Variants in EPS8L3 observed in about 807,000 individuals in gnomAD.
EPS8L3 encodes EPS8 signaling adaptor L3, also known as epidermal growth factor receptor kinase substrate 8-like protein 3.
Under a neutral mutation model 88.5 loss-of-function variants are expected in EPS8L3, and 80 were observed. That is an observed-to-expected ratio of 0.90 (90% CI 0.75 to 1.09). The LOEUF is 1.09. EPS8L3 is among the 50% of genes least tolerant of loss of function. The pLI is 0.00. For synonymous variants in EPS8L3, 286 were observed against 291.0 expected (o/e 0.98, Z 0.18); for missense variants, 721 against 735.2 (o/e 0.98, Z 0.22).
Position 109,759,922 on chromosome 1 carries a change from G to A in EPS8L3, c.97-86C>T. The stretch of plus-strand genomic sequence containing the variant: ...TGCTGGGTAGAGAAAAGCAGAAGAG[G>A]AAGAAGACGTGTCCTCGGCCCCCTT... On this transcript the variant is annotated intron_variant, in intron 3 of 18. Coordinates refer to ENST00000361965, the MANE Select transcript of EPS8L3 (RefSeq NM_133181.4). The surrounding 1 kb of genome is among the most constrained non-coding windows in gnomAD (Gnocchi z 4.2). 1.4e-6 allele frequency: 2 copies of A among 1,438,272 alleles called. No individual in the cohort carries two copies. Among genetic ancestry groups the A allele is most frequent in the Non-Finnish European group, 1.9e-6 (2 of 1,055,996 alleles). The allele number at this position is 1,438,272 out of a possible 1,614,324, so 89.1% of individuals were successfully genotyped here. A position where few individuals can be genotyped will look rare whatever the true frequency, so the allele number is the denominator to read the frequency against.
At chr1:109,756,947 C>T in intron 12 of EPS8L3, 70 bp downstream of exon 12, 2 of 1,596,358 alleles carry the variant, frequency 1.3e-6, no homozygotes, top group Non-Finnish European at 1.7e-6. Context: ...AGCCTGGCCA[C>T]CTCTGATGTC....
chr1:109,752,634 C>T, intron 14 of EPS8L3, 52 bp downstream of exon 14: 2 of 1,499,262 alleles, frequency 1.3e-6, no homozygotes, highest in African/African-American at 1.4e-5. Flanking sequence ...AAGGAACAGC[C>T]CTGTCCCTCC....
intron 12 of EPS8L3, among the ~76,000 whole-genome samples, chr1:109,755,142 AATATTGTATGATT>A (rs1650164209): frequency 6.6e-6 from 1 of 152,226 alleles, no homozygotes; most frequent in Non-Finnish European, 1.5e-5. Flanking sequence ...CGACAGGACA[AATATTGTATGATT>A]TCACTTATAT....
intron 1 of EPS8L3, among the ~76,000 whole-genome samples, chr1:109,762,874 G>T (rs149183982): frequency 6.6e-6 from 1 of 152,228 alleles, no homozygotes; most frequent in Non-Finnish European, 1.5e-5. Context: ...TGGGCTGTGC[G>T]CAGTCACAGA....
At position 109,757,069 on chromosome 1, in the gene EPS8L3, G is replaced by C; in HGVS notation, c.1066C>G (p.Pro356Ala). Reference sequence around the variant, plus strand: ...CCCATCCAAAGGTTACTCTCAGGTGGGCTTAGACAGGACTGTAGCAGGTTG... The same window carrying C: ...CCCATCCAAAGGTTACTCTCAGGTGCGCTTAGACAGGACTGTAGCAGGTTG... ...AINLLQSCLS[P>A]PESNLWMGLG... The change falls in exon 12 of 19, where the codon CCA becomes GCA. Residue 356 changes from proline (P) to alanine (A), a missense_variant. Physicochemically the swap from Pro to Ala is conservative, Grantham distance 27. Transcript: ENST00000361965. The C allele has an allele frequency of 6.2e-7, 1 of 1,614,010 alleles. No homozygotes were observed. The highest frequency in any genetic ancestry group is 8.5e-7 in the Non-Finnish European group (1 of 1,179,998).
chr1:109,758,073 AC>A lies in EPS8L3; in HGVS notation c.718-16del. 6.2e-7 allele frequency: 1 copy of A among 1,609,812 alleles called. No individual in the cohort carries two copies. The highest frequency in any genetic ancestry group is 8.5e-7 in the Non-Finnish European group (1 of 1,177,312). Reference sequence around the variant, plus strand: ...TTCAGCACTTCCTGGGCCCCAAACAACCCATGGCCTTGAACGGGCAGTTGGG... The same window carrying A: ...TTCAGCACTTCCTGGGCCCCAAACAACCATGGCCTTGAACGGGCAGTTGGG... On this transcript the variant is annotated splice_polypyrimidine_tract_variant and intron_variant, in intron 8 of 18. Coordinates refer to ENST00000361965, the MANE Select transcript of EPS8L3 (RefSeq NM_133181.4).
At position 109,761,259 on chromosome 1, in the gene EPS8L3, C is replaced by T. The variant is rs544350735; in HGVS notation, c.96+236G>A. ...CCTGTCTGGGGACAGGACACTCACCCGCTCAACCTCCAGCCAGGCCTGCTC... is the reference window on the plus strand; with the variant it reads ...CCTGTCTGGGGACAGGACACTCACCTGCTCAACCTCCAGCCAGGCCTGCTC... On this transcript the variant is annotated intron_variant, in intron 3 of 18. Coordinates refer to ENST00000361965, the MANE Select transcript of EPS8L3 (RefSeq NM_133181.4). The T allele has an allele frequency of 3.5e-3, 1,722 of 498,276 alleles. 7 individuals are homozygous for T. The highest frequency in any genetic ancestry group is 5.2e-3 in the Non-Finnish European group (1,421 of 275,822). 30.9% of individuals were successfully genotyped at this position (498,276 alleles called of 1,614,324 possible).
At chr1:109,754,977 G>A (rs1473837456) in intron 12 of EPS8L3, among the ~76,000 whole-genome samples, 1 of 152,158 alleles carries the variant, frequency 6.6e-6, no homozygotes, top group Admixed American at 6.5e-5. Context: ...AGATTGTTAT[G>A]GGTGGAAACA....
In EPS8L3 at chr1:109,763,854, C is replaced by G. The variant is rs1651270444; in HGVS notation, c.-57G>C. 6.5e-6 allele frequency: 1 copy of G among 153,114 alleles called. No homozygotes were observed. Among genetic ancestry groups the G allele is most frequent in the South Asian group, 2.1e-4 (1 of 4,834 alleles). The allele number at this position is 153,114 out of a possible 1,614,324, so 9.5% of individuals were successfully genotyped here. ...CCAGTGAAGGCCGGGTGCCTGGTCC[C>G]CCCAGGAGGCTGGTCTTGGAGCAGG... is the stretch of plus-strand genomic sequence containing the variant. On this transcript the variant is annotated 5_prime_UTR_variant, in exon 1 of 19. Transcript: ENST00000361965.
chr1:109,757,076 A>T lies in EPS8L3; in HGVS notation c.1059T>A (p.Cys353Ter), dbSNP rs1650354030. ...TPKAINLLQSCLSPPESNLWM... is the reference protein window; with the variant it reads ...TPKAINLLQS ...AAAGGTTACTCTCAGGTGGGCTTAG[A>T]CAGGACTGTAGCAGGTTGATAGCTT... The change falls in exon 12 of 19, where the codon TGT becomes TGA. Residue 353 changes from cysteine (C) to a stop codon, truncating the protein, a stop_gained. Coordinates refer to ENST00000361965, the MANE Select transcript of EPS8L3 (RefSeq NM_133181.4). LOFTEE classifies it high-confidence loss of function. The T allele has an allele frequency of 1.9e-6, 3 of 1,614,146 alleles. No individual in the cohort carries two copies. The highest frequency in any genetic ancestry group is 2.5e-6 in the Non-Finnish European group (3 of 1,180,014).
chr1:109,755,345 G>C (rs1570685482), intron 12 of EPS8L3, among the ~76,000 whole-genome samples: 2 of 152,258 alleles, frequency 1.3e-5, no homozygotes, highest in East Asian at 3.9e-4. Flanking sequence ...CATTGTTAAT[G>C]AACGTATTGC....
intron 14 of EPS8L3, 125 bp downstream of exon 14, chr1:109,752,561 C>T (rs1649902243): frequency 1.2e-6 from 1 of 865,934 alleles, no homozygotes; most frequent in East Asian, 2.7e-5. Context: ...TGTCCTTGTA[C>T]ATGTTTTTCT....
At chr1:109,752,311 T>C in intron 14 of EPS8L3, 118 bp from the exon 15 acceptor site, 1 of 1,047,488 alleles carries the variant, frequency 9.5e-7, no homozygotes, top group Non-Finnish European at 1.4e-6. Flanking sequence ...CTTTTGGGTT[T>C]CTTTAGAGTT....
chr1:109,758,217 T>C, intron 8 of EPS8L3, 99 bp downstream of exon 8: 1 of 1,350,136 alleles, frequency 7.4e-7, no homozygotes, highest in East Asian at 2.3e-5. Flanking sequence ...GCCCTGGCCA[T>C]CCTGGGACCC....
rs1570698827 is a variant in EPS8L3 at position 109,759,182 on chromosome 1, T to G, written c.405+56A>C. 3.6e-6 allele frequency: 5 copies of G among 1,381,364 alleles called. No individual in the cohort carries two copies. The highest frequency in any genetic ancestry group is 5.0e-6 in the Non-Finnish European group (5 of 990,812). The allele number at this position is 1,381,364 out of a possible 1,614,324, so 85.6% of individuals were successfully genotyped here. A position where few individuals can be genotyped will look rare whatever the true frequency, so the allele number is the denominator to read the frequency against. On this transcript the variant is annotated intron_variant, in intron 5 of 18. Coordinates refer to ENST00000361965, the MANE Select transcript of EPS8L3 (RefSeq NM_133181.4). The surrounding 1 kb of genome is among the most constrained non-coding windows in gnomAD (Gnocchi z 4.2). ...GTGTGTGTGTGTGTGTGTGTGTGTG[T>G]GGTGGGGTGATGGTCGATGAACCCC...
intron 13 of EPS8L3, among the ~76,000 whole-genome samples, 157 bp from the exon 14 acceptor site, chr1:109,752,877 GCACC>G (rs1001674324): frequency 1.4e-4 from 22 of 152,154 alleles, no homozygotes; most frequent in African/African-American, 4.6e-4. Flanking sequence ...GTACCCACAT[GCACC>G]CACCCACCCA....
At position 109,761,542 on chromosome 1, in the gene EPS8L3, A is replaced by G; in HGVS notation, c.49T>C (p.Ser17Pro). The change falls in exon 3 of 19, where the codon TCC (serine) becomes CCC (proline). Residue 17 changes from serine (S) to proline (P), a missense_variant. Physicochemically the swap from Ser to Pro is moderately conservative, Grantham distance 74. Transcript: ENST00000361965. ...RAIYLHRKEYSQNLTSEPTLL... is the reference protein window; with the variant it reads ...RAIYLHRKEYPQNLTSEPTLL... The stretch of plus-strand genomic sequence containing the variant: ...GTGGGCTCTGAGGTGAGGTTCTGGG[A>G]GTACTCCTTCCGGTGCACTACAAGG... The G allele has an allele frequency of 6.2e-7, 1 of 1,613,674 alleles. No individual in the cohort carries two copies.
Position 109,750,649 on chromosome 1 carries a change from G to A in EPS8L3, c.1770+11C>T. On this transcript the variant is annotated intron_variant, in intron 18 of 18. Coordinates refer to ENST00000361965, the MANE Select transcript of EPS8L3 (RefSeq NM_133181.4). ...CTCCCAATGGTTGTCAGGACCCCAG[G>A]GTGTCCTCACCCCCAGCATCCTTCT... 3 of 1,614,106 alleles carry A rather than the reference G, an allele frequency of 1.9e-6. No individual in the cohort carries two copies. The highest frequency in any genetic ancestry group is 2.5e-6 in the Non-Finnish European group (3 of 1,180,012).
At chr1:109,751,380 G>A in intron 16 of EPS8L3, 29 bp from the exon 17 acceptor site, 2 of 1,607,442 alleles carry the variant, frequency 1.2e-6, no homozygotes, top group Non-Finnish European at 1.7e-6. Flanking sequence ...AGGGATCAGA[G>A]TCCATCTCAT....
Sources: allele counts gnomAD v4.1 joint callset (sites outside exome capture counted in the v4.1 genomes callset), GRCh38; gene constraint gnomAD v4.1.1; non-coding constraint Gnocchi (gnomAD v3.1); transcripts MANE v1.5; gene names NCBI Gene and HGNC (gene_info 2026-07-23, HGNC 2026-07-21).